The following ARMH3 variants were observed in gnomAD, a reference collection of about 807,000 sequenced individuals.
ARMH3 encodes armadillo like helical domain containing 3.
A neutral mutation model predicts 99.1 loss-of-function variants in ARMH3; 60 were observed. That is an observed-to-expected ratio of 0.61 (90% CI 0.49 to 0.75). The LOEUF (loss-of-function observed/expected upper bound fraction) is 0.75. Among genes scored for constraint, ARMH3 ranks in the 30% least tolerant of loss-of-function variants. The pLI is 0.00. For missense variants in ARMH3, 679 were observed against 843.1 expected, an observed-to-expected ratio of 0.81 and a Z score of 2.41; for synonymous variants, 285 against 292.8, an observed-to-expected ratio of 0.97 and a Z score of 0.27.
At chr10:101,855,092 A>T in intron 24 of ARMH3, among the ~76,000 whole-genome samples, 1 of 66,974 alleles carries the variant, frequency 1.5e-5, no homozygotes, top group Admixed American at 1.6e-4. Flanking sequence ...TTTGAGATGG[A>T]GTTTCGCTCT....
At chr10:102,021,108 G>A (rs1219973460) in intron 8 of ARMH3, among the ~76,000 whole-genome samples, 2 of 152,032 alleles carry the variant, frequency 1.3e-5, no homozygotes, top group African/African-American at 4.8e-5. Context: ...ACAGGATGTG[G>A]CTTTGTCACC....
At chr10:102,053,214 TAAA>T (rs1191838493) in intron 1 of ARMH3, among the ~76,000 whole-genome samples, 1 of 49,028 alleles carries the variant, frequency 2.0e-5, no homozygotes, top group Non-Finnish European at 3.9e-5. Context: ...CCTCAGAAGC[TAAA>T]AAAAAAAAAA....
chr10:102,036,261 GGC>G (rs2067266831), intron 2 of ARMH3, among the ~76,000 whole-genome samples: 1 of 145,068 alleles, frequency 6.9e-6, no homozygotes, highest in Non-Finnish European at 1.5e-5. Flanking sequence ...GAGATGGGGG[GGC>G]ACATCCGCCC....
chr10:102,025,849 G>A (rs913435392), intron 5 of ARMH3, among the ~76,000 whole-genome samples: 2 of 151,814 alleles, frequency 1.3e-5, no homozygotes, highest in Admixed American at 6.6e-5. Flanking sequence ...ACAAGGTCTC[G>A]CCATGTTGCC....
chr10:101,988,922 C>CAAA (rs35605193), intron 19 of ARMH3, among the ~76,000 whole-genome samples: 74 of 56,350 alleles, frequency 1.3e-3, no homozygotes, highest in East Asian at 5.1e-3. Context: ...GACTCTGTCT[C>CAAA]AAAAAAAAAA....
intron 23 of ARMH3, among the ~76,000 whole-genome samples, chr10:101,893,329 C>T (rs1003176503): frequency 6.6e-6 from 1 of 152,070 alleles, no homozygotes; most frequent in Non-Finnish European, 1.5e-5. Flanking sequence ...ACATTTTATG[C>T]TTTTTTAGGT....
rs748600538 is a variant in ARMH3, at chr10:101,957,724, T to G, written c.1504A>C (p.Asn502His). The G allele has an allele frequency of 2.0e-6, 3 of 1,514,738 alleles. No individual in the cohort carries two copies. Among genetic ancestry groups the G allele is most frequent in the African/African-American group, 1.9e-5 (1 of 52,788 alleles). The allele number at this position is 1,514,738 out of a possible 1,614,324, so 93.8% of individuals were successfully genotyped here. A position where few individuals can be genotyped will look rare whatever the true frequency, so the allele number is the denominator to read the frequency against. ...TTTGACATAAGGAACTTCAGCAAAT[T>G]TATCAAGGCTTTAAAAAAAAAAAAA... is the stretch of plus-strand genomic sequence containing the variant. ...TWRELWSALI[N>H]LLKFLMSNET... Residue 502 changes from asparagine (N) to histidine (H), a missense_variant, in exon 21 of 26, where the codon AAT (asparagine) becomes CAT (histidine). Physicochemically the swap from Asn to His is moderately conservative, Grantham distance 68. Around this residue, in one of 3 missense-constraint regions of ARMH3, gnomAD observed 389 missense variants for 456.5 expected, o/e 0.85. Transcript: ENST00000370033.
In ARMH3 at chr10:102,029,744, G is replaced by A; in HGVS notation, c.308C>T (p.Thr103Ile). The change falls in exon 5 of 26, where the codon ACC becomes ATC. Residue 103 changes from threonine to isoleucine, a missense_variant and splice_region_variant. Physicochemically the swap from Thr to Ile is moderately conservative, Grantham distance 89. Around this residue, in one of 3 missense-constraint regions of ARMH3, gnomAD observed 280 missense variants for 354.6 expected, o/e 0.79. Transcript: ENST00000370033. Reference protein sequence around the residue: ...HPIRVVNALQTLCALIRGVHQ... With the variant: ...HPIRVVNALQILCALIRGVHQ... ...GACTCCTCGAATGAGTGCGCACAGG[G>A]TCTGCAGAAATGAGAGAAAGAATTC... is the stretch of plus-strand genomic sequence containing the variant. 6.2e-7 allele frequency: 1 copy of A among 1,609,958 alleles called. No individual in the cohort carries two copies. Among genetic ancestry groups the A allele is most frequent in the Non-Finnish European group, 8.5e-7 (1 of 1,176,702 alleles).
intron 23 of ARMH3, among the ~76,000 whole-genome samples, chr10:101,936,592 T>C (rs577104312): frequency 1.1e-3 from 159 of 147,138 alleles, no homozygotes; most frequent in African/African-American, 3.4e-3. Flanking sequence ...AAAAAAAAAC[T>C]ATGGCAATTT....
At chr10:102,032,310 A>G (rs1357064493) in intron 4 of ARMH3, among the ~76,000 whole-genome samples, 1 of 152,186 alleles carries the variant, frequency 6.6e-6, no homozygotes, top group Non-Finnish European at 1.5e-5. Context: ...GGCACATAAC[A>G]ATTCAAGGAA....
intron 24 of ARMH3, among the ~76,000 whole-genome samples, chr10:101,887,834 G>A (rs752060652): frequency 1.3e-5 from 2 of 151,802 alleles, no homozygotes. Context: ...TCTGGCCTGC[G>A]CACTCTTTTT....
intron 24 of ARMH3, among the ~76,000 whole-genome samples, chr10:101,884,130 G>A (rs1013766371): frequency 2.6e-5 from 4 of 152,154 alleles, no homozygotes; most frequent in South Asian, 2.1e-4. Flanking sequence ...CATTATTTGC[G>A]GTCCTCTTTA....
chr10:102,001,323 T>C (rs567432609), intron 15 of ARMH3, among the ~76,000 whole-genome samples: 3 of 152,114 alleles, frequency 2.0e-5, no homozygotes, highest in African/African-American at 7.2e-5. Context: ...TGGATAGAAT[T>C]TGCTGTGTCT....
chr10:101,971,714 A>G (rs528611966), intron 20 of ARMH3, among the ~76,000 whole-genome samples: 1 of 152,246 alleles, frequency 6.6e-6, no homozygotes. Context: ...TGCAAAATAT[A>G]TATGTGCAAA....
intron 1 of ARMH3, among the ~76,000 whole-genome samples, chr10:102,043,673 C>T (rs1214128014): frequency 6.6e-6 from 1 of 152,180 alleles, no homozygotes; most frequent in Admixed American, 6.5e-5. Context: ...ACAGCAAAGG[C>T]ACAGTAATCC....
chr10:101,966,193 C>T (rs1462389316), intron 20 of ARMH3, among the ~76,000 whole-genome samples: 1 of 149,974 alleles, frequency 6.7e-6, no homozygotes, highest in Admixed American at 6.6e-5. Flanking sequence ...GCAACCTCCA[C>T]CTCCCGGGTT....
rs543453857 is a variant in ARMH3 at position 102,044,195 on chromosome 10, G to A, written c.-11-4070C>T. ...TGCAAGCTCCGCCTCCTGGGTTCAC[G>A]CCATTCTCCTGCCTCAGCCTCCCCA... On this transcript the variant is annotated intron_variant, in intron 1 of 25. Coordinates refer to ENST00000370033, the MANE Select transcript of ARMH3 (RefSeq NM_024541.3). 7.3e-5 allele frequency among the ~76,000 whole-genome samples: 11 copies of A among 150,010 alleles called. No individual in the cohort carries two copies. In the East Asian group the frequency reaches 1.8e-3, roughly 24 times the overall value.
At chr10:101,878,220 T>C (rs2067316780) in intron 24 of ARMH3, among the ~76,000 whole-genome samples, 1 of 152,210 alleles carries the variant, frequency 6.6e-6, no homozygotes, top group African/African-American at 2.4e-5. Flanking sequence ...ATCACGCCAC[T>C]GCCCTCTGGC....
intron 2 of ARMH3, among the ~76,000 whole-genome samples, chr10:102,038,133 C>G (rs965343551): frequency 2.3e-5 from 3 of 129,074 alleles, no homozygotes; most frequent in African/African-American, 6.0e-5. Context: ...CTCGCTCTGT[C>G]GCCCAGGCTG....
Sources: allele counts gnomAD v4.1 joint callset (sites outside exome capture counted in the v4.1 genomes callset), GRCh38; gene constraint gnomAD v4.1.1; regional missense constraint gnomAD v4.1.1; transcripts MANE v1.5; gene names NCBI Gene and HGNC (gene_info 2026-07-23, HGNC 2026-07-21).